Variants in CNIH3 observed in about 807,000 individuals in gnomAD.
The protein encoded by CNIH3 is cornichon family AMPA receptor auxiliary protein 3, also known as protein cornichon homolog 3.
A neutral mutation model predicts 24.1 loss-of-function variants in CNIH3; 14 were observed. The observed-to-expected ratio is 0.58, with a 90% confidence interval of 0.38 to 0.91. The LOEUF (loss-of-function observed/expected upper bound fraction) is 0.91, where lower values mean the gene tolerates loss of function less well. Ranked by LOEUF, CNIH3 falls within the 40% of genes least tolerant of loss-of-function variation. The probability of loss-of-function intolerance (pLI) is 0.00; values close to 1 mark genes in which losing one functional copy is unlikely to be tolerated. For missense variants in CNIH3, 178 were observed against 196.8 expected (o/e 0.90, Z 0.57); for synonymous variants, 68 against 73.8 (o/e 0.92, Z 0.40).
intron 1 of CNIH3, among the ~76,000 whole-genome samples, chr1:224,618,634 T>G (rs1445652404): frequency 6.6e-6 from 1 of 152,210 alleles, no homozygotes; most frequent in African/African-American, 2.4e-5. Context: ...CTGGCTTCCT[T>G]CCACATCTCT....
intron 1 of CNIH3, among the ~76,000 whole-genome samples, chr1:224,469,849 C>G (rs370681979): frequency 3.3e-5 from 5 of 151,638 alleles, no homozygotes; most frequent in African/African-American, 1.2e-4. Flanking sequence ...GTATCATTTT[C>G]CTTCTACTTT....
chr1:224,554,607 A>T (rs1680060461), intron 3 of CNIH3, among the ~76,000 whole-genome samples: 2 of 151,610 alleles, frequency 1.3e-5, no homozygotes, highest in Admixed American at 1.3e-4. Context: ...GTTTCGAGTC[A>T]GGGTCTTGTT....
intron 3 of CNIH3, among the ~76,000 whole-genome samples, chr1:224,695,173 T>C (rs1187434849): frequency 6.6e-6 from 1 of 152,182 alleles, no homozygotes; most frequent in Non-Finnish European, 1.5e-5. Flanking sequence ...TTGAAGGCCT[T>C]ACTGGAGCAG....
intron 1 of CNIH3, among the ~76,000 whole-genome samples, chr1:224,477,952 A>G (rs1212605714): frequency 2.0e-5 from 3 of 152,026 alleles, no homozygotes; most frequent in Admixed American, 2.0e-4. Context: ...TTAGAGTAAA[A>G]GTTTTTCCCT....
intron 1 of CNIH3, among the ~76,000 whole-genome samples, chr1:224,505,518 A>G (rs1237705855): frequency 1.3e-5 from 2 of 152,146 alleles, no homozygotes; most frequent in Non-Finnish European, 1.5e-5. Context: ...TTTTTGCATC[A>G]TGCTGAAAAC....
chr1:224,551,439 G>C (rs1417656656), intron 3 of CNIH3, among the ~76,000 whole-genome samples: 1 of 152,144 alleles, frequency 6.6e-6, no homozygotes, highest in African/African-American at 2.4e-5. Context: ...GGATGAAGCA[G>C]AGCGATGATA....
In CNIH3 at chr1:224,704,076, TA is replaced by T. The variant is rs1269173981; in HGVS notation, c.198+19234del. 6.6e-6 allele frequency among the ~76,000 whole-genome samples: 1 copy of T among 152,068 alleles called. No homozygotes were observed. The highest frequency in any genetic ancestry group is 2.4e-5 in the African/African-American group (1 of 41,408). On this transcript the variant is annotated intron_variant, in intron 3 of 5. Transcript: ENST00000272133. This position sits in a 1 kb window ranked among gnomAD's most constrained non-coding sequence, Gnocchi z 4.2. Reference sequence around the variant, plus strand: ...AGAACATGAACTACTGTTCAGGAGGTAGGGGCATGGACCACACCAGTGCACA... The same window carrying T: ...AGAACATGAACTACTGTTCAGGAGGTGGGGCATGGACCACACCAGTGCACA...
At chr1:224,473,111 A>G (rs942517515) in intron 1 of CNIH3, among the ~76,000 whole-genome samples, 2 of 152,206 alleles carry the variant, frequency 1.3e-5, no homozygotes, top group Non-Finnish European at 2.9e-5. Context: ...AAAAAAATAA[A>G]TAAAATAATG....
At chr1:224,488,549 C>G (rs898171907) in intron 1 of CNIH3, among the ~76,000 whole-genome samples, 1 of 152,088 alleles carries the variant, frequency 6.6e-6, no homozygotes, top group Admixed American at 6.5e-5. Flanking sequence ...TAGCCTCGAG[C>G]TCCTGGGCTC....
At chr1:224,450,746 C>T (rs1675362983) in intron 1 of CNIH3, among the ~76,000 whole-genome samples, 1 of 152,164 alleles carries the variant, frequency 6.6e-6, no homozygotes, top group Non-Finnish European at 1.5e-5. Context: ...AACTGAGGCA[C>T]AAAAGTACTT....
chr1:224,695,389 CA>C (rs1687117195), intron 3 of CNIH3, among the ~76,000 whole-genome samples: 3 of 142,556 alleles, frequency 2.1e-5, no homozygotes, highest in Admixed American at 6.9e-5. Context: ...CACACACACA[CA>C]CACACCCCTG....
At chr1:224,584,643 A>T (rs570928508) in intron 5 of CNIH3, among the ~76,000 whole-genome samples, 4 of 152,198 alleles carry the variant, frequency 2.6e-5, no homozygotes. Flanking sequence ...TGCATTTATC[A>T]TTTGATATAT....
chr1:224,558,693 C>A (rs889168033), intron 3 of CNIH3, among the ~76,000 whole-genome samples: 1 of 152,118 alleles, frequency 6.6e-6, no homozygotes, highest in Non-Finnish European at 1.5e-5. Context: ...GGAGTGGTGA[C>A]AAAGTCACAT....
rs1689793761 is a variant in CNIH3 at position 224,740,042 on chromosome 1, A to T, written c.*686A>T. On this transcript the variant is annotated 3_prime_UTR_variant, in exon 6 of 6. Coordinates refer to ENST00000272133, the MANE Select transcript of CNIH3 (RefSeq NM_152495.2). Reference sequence around the variant, plus strand: ...GTTAGTTCTCCACCACACAAGTTGTATTCTTCTTTTGCCACCTCAAACCAT... The same window carrying T: ...GTTAGTTCTCCACCACACAAGTTGTTTTCTTCTTTTGCCACCTCAAACCAT... 1 of 152,256 alleles carries T rather than the reference A, an allele frequency of 6.6e-6. No individual in the cohort carries two copies. The highest frequency in any genetic ancestry group is 1.9e-4 in the East Asian group (1 of 5,202). 9.4% of individuals were successfully genotyped at this position (152,256 alleles called of 1,614,324 possible).
intron 3 of CNIH3, among the ~76,000 whole-genome samples, chr1:224,549,612 A>G (rs796828496): frequency 2.0e-4 from 30 of 152,276 alleles, no homozygotes; most frequent in African/African-American, 6.7e-4. Context: ...TATTATAGAA[A>G]TATCAGAAAT....
chr1:224,632,506 T>C (rs1217719734), intron 1 of CNIH3, among the ~76,000 whole-genome samples: 1 of 152,104 alleles, frequency 6.6e-6, no homozygotes, highest in African/African-American at 2.4e-5. Flanking sequence ...AAAGTCCTTG[T>C]CCAATGGGGT....
chr1:224,712,681 T>G (rs1478290986), intron 3 of CNIH3, among the ~76,000 whole-genome samples: 1 of 152,206 alleles, frequency 6.6e-6, no homozygotes, highest in Non-Finnish European at 1.5e-5. Context: ...AAGATGCAGG[T>G]GATAATCAGA....
chr1:224,715,093 T>C (rs1688358443), intron 3 of CNIH3, among the ~76,000 whole-genome samples: 1 of 152,206 alleles, frequency 6.6e-6, no homozygotes, highest in Admixed American at 6.5e-5. Flanking sequence ...TCTTCCTGCC[T>C]GCTTTCCACG....
chr1:224,734,365 G>A (rs187705739), intron 4 of CNIH3, among the ~76,000 whole-genome samples, 198 bp from the exon 5 acceptor site: 3 of 152,184 alleles, frequency 2.0e-5, no homozygotes, highest in Admixed American at 2.0e-4. Context: ...CAGTGGATTG[G>A]AGTATTTGGG....
Sources: allele counts gnomAD v4.1 joint callset (sites outside exome capture counted in the v4.1 genomes callset), GRCh38; gene constraint gnomAD v4.1.1; non-coding constraint Gnocchi (gnomAD v3.1); transcripts MANE v1.5; gene names NCBI Gene and HGNC (gene_info 2026-07-23, HGNC 2026-07-21).